The following TRIM40 variants were observed in gnomAD, a reference collection of about 807,000 sequenced individuals.
The protein encoded by TRIM40 is tripartite motif containing 40.
TRIM40 carries 27 observed loss-of-function variants against 26.1 expected under a neutral mutation model. That is an observed-to-expected ratio of 1.04 (90% CI 0.76 to 1.43). The LOEUF is 1.43. Among genes scored for constraint, TRIM40 ranks in the 40% most tolerant of loss-of-function variants. TRIM40 has a pLI of 0.00. For synonymous variants in TRIM40, 114 were observed against 120.0 expected, an observed-to-expected ratio of 0.95 and a Z score of 0.33; for missense variants, 289 against 307.9, an observed-to-expected ratio of 0.94 and a Z score of 0.46.
intron 3 of TRIM40, 129 bp downstream of exon 3, chr6:30,146,218 C>T (rs1446120143): frequency 7.9e-6 from 6 of 761,224 alleles, no homozygotes; most frequent in African/African-American, 1.8e-5. Context: ...GCTGAAAACC[C>T]GGGTGTTGGC....
Position 30,137,326 on chromosome 6 carries a change from C to T in TRIM40, c.290C>T (p.Pro97Leu), listed in dbSNP as rs146858612. ...LLLCVECLVS[P>L]EHMSHHELTI... ...CTATGTGTGGAATGCCTGGTGTCCCCTGAACACATGTCTCATCATGAACTG... is the reference window on the plus strand; with the variant it reads ...CTATGTGTGGAATGCCTGGTGTCCCTTGAACACATGTCTCATCATGAACTG... The change falls in exon 2 of 6, where the codon CCT becomes CTT. Residue 97 changes from proline to leucine, a missense_variant. Coordinates refer to ENST00000396581, the MANE Select transcript of TRIM40 (RefSeq NM_001286633.2). The T allele has an allele frequency of 1.5e-5, 25 of 1,612,940 alleles. No individual in the cohort carries two copies. The African/African-American group carries it at 2.5e-4, about 16-fold the overall frequency.
intron 2 of TRIM40, among the ~76,000 whole-genome samples, chr6:30,141,871 A>C (rs1346337110): frequency 6.6e-6 from 1 of 152,176 alleles, no homozygotes; most frequent in Non-Finnish European, 1.5e-5. Flanking sequence ...GGCAGACAGT[A>C]TGTAGCACCA....
chr6:30,146,926 T>C, intron 3 of TRIM40, 59 bp from the exon 4 acceptor site: 1 of 1,500,200 alleles, frequency 6.7e-7, no homozygotes, highest in Non-Finnish European at 9.1e-7. Context: ...ATTCAGAGAC[T>C]GTGAAGGGCC....
chr6:30,148,056 G>A lies in TRIM40; in HGVS notation c.*244G>A. ...TGGGGCTGCCACTGTGGAGGTCGGG[G>A]CCCATGGTCTCCAGGAGCATTTGTG... On this transcript the variant is annotated 3_prime_UTR_variant, in exon 6 of 6. Coordinates refer to ENST00000396581, the MANE Select transcript of TRIM40 (RefSeq NM_001286633.2). 3.5e-6 allele frequency: 2 copies of A among 578,540 alleles called. No homozygotes were observed. The highest frequency in any genetic ancestry group is 6.1e-6 in the Non-Finnish European group (2 of 325,258). 35.8% of individuals were successfully genotyped at this position (578,540 alleles called of 1,614,324 possible).
chr6:30,147,237 G>A, intron 4 of TRIM40, 28 bp downstream of exon 4: 1 of 1,612,338 alleles, frequency 6.2e-7, no homozygotes, highest in Non-Finnish European at 8.5e-7. Context: ...TTCCCCAAGG[G>A]CTGGGATTCT....
chr6:30,147,465 G>A, intron 4 of TRIM40, 55 bp from the exon 5 acceptor site: 1 of 1,613,152 alleles, frequency 6.2e-7, no homozygotes, highest in Non-Finnish European at 8.5e-7. Flanking sequence ...AAAGGAATTT[G>A]GAGGTGATAG....
At chr6:30,138,270 T>C (rs369240185) in intron 2 of TRIM40, among the ~76,000 whole-genome samples, 30 of 152,222 alleles carry the variant, frequency 2.0e-4, no homozygotes, top group African/African-American at 6.8e-4. Flanking sequence ...CAAGCTATTG[T>C]TTTGTTTTAA....
In TRIM40 at chr6:30,136,949, C is replaced by A; in HGVS notation, c.-88C>A. The A allele has an allele frequency of 1.5e-6, 2 of 1,367,108 alleles. No individual in the cohort carries two copies. Among genetic ancestry groups the A allele is most frequent in the Non-Finnish European group, 2.0e-6 (2 of 999,870 alleles). 84.7% of individuals were successfully genotyped at this position (1,367,108 alleles called of 1,614,324 possible). A position where few individuals can be genotyped will look rare whatever the true frequency, so the allele number is the denominator to read the frequency against. On this transcript the variant is annotated 5_prime_UTR_variant, in exon 2 of 6. The change creates a new upstream start codon in the 5' untranslated region. Transcript: ENST00000396581. The stretch of plus-strand genomic sequence containing the variant: ...CCTCCTTCCGACTGGGCCTTCTTAT[C>A]TGGGACTGTTGAGGGCAACAGGCCT...
chr6:30,143,928 A>C (rs922844547), intron 2 of TRIM40, among the ~76,000 whole-genome samples: 12 of 152,036 alleles, frequency 7.9e-5, no homozygotes, highest in African/African-American at 2.9e-4. Context: ...GGCTTTATTA[A>C]ATTTTAAACT....
At chr6:30,144,747 G>A (rs920753174) in intron 2 of TRIM40, among the ~76,000 whole-genome samples, 1 of 152,140 alleles carries the variant, frequency 6.6e-6, no homozygotes, top group Admixed American at 6.5e-5. Context: ...CAGTGAGGAG[G>A]TGAAGACAGC....
At chr6:30,137,876 C>A (rs998198452) in intron 2 of TRIM40, among the ~76,000 whole-genome samples, 1 of 151,946 alleles carries the variant, frequency 6.6e-6, no homozygotes, top group South Asian at 2.1e-4. Context: ...ATTATTTTAT[C>A]TTATTCTGTT....
Position 30,148,400 on chromosome 6 carries a change from G to A in TRIM40, c.*588G>A, listed in dbSNP as rs1277806606. 1 of 159,078 alleles carries A rather than the reference G, an allele frequency of 6.3e-6. No individual in the cohort carries two copies. Among genetic ancestry groups the A allele is most frequent in the African/African-American group, 2.4e-5 (1 of 41,534 alleles). The allele number at this position is 159,078 out of a possible 1,614,324, so 9.9% of individuals were successfully genotyped here. On this transcript the variant is annotated 3_prime_UTR_variant, in exon 6 of 6. Coordinates refer to ENST00000396581, the MANE Select transcript of TRIM40 (RefSeq NM_001286633.2). ...CTTCTAATGAATGGAATAAGGCAAA[G>A]GTGATAGGGTGTCACTCTGGCAACT...
chr6:30,142,307 T>C (rs562483437), intron 2 of TRIM40, among the ~76,000 whole-genome samples: 7 of 152,344 alleles, frequency 4.6e-5, no homozygotes, highest in African/African-American at 9.6e-5. Context: ...ATCACTTTAA[T>C]GTATTTTGCT....
chr6:30,137,130 C>A lies in TRIM40; in HGVS notation c.94C>A (p.Leu32Ile). Residue 32 changes from leucine to isoleucine, a missense_variant, in exon 2 of 6, where the codon CTC (leucine) becomes ATC (isoleucine). Physicochemically the swap from Leu to Ile is conservative, Grantham distance 5. Transcript: ENST00000396581. Reference sequence around the variant, plus strand: ...GGCCGTGAGCACCAACTGCGGACATCTCTTCTGTCGAGTGTGCCTGACACA... The same window carrying A: ...GGCCGTGAGCACCAACTGCGGACATATCTTCTGTCGAGTGTGCCTGACACA... The part of the protein sequence containing the change: ...KEAVSTNCGH[L>I]FCRVCLTQHV... 4 of 1,613,088 alleles carry A rather than the reference C, an allele frequency of 2.5e-6. No individual in the cohort carries two copies. The highest frequency in any genetic ancestry group is 3.4e-6 in the Non-Finnish European group (4 of 1,180,030).
intron 4 of TRIM40, 137 bp downstream of exon 4, chr6:30,147,346 C>G: frequency 1.5e-6 from 2 of 1,353,410 alleles, no homozygotes; most frequent in Non-Finnish European, 2.1e-6. Flanking sequence ...GTGGCTTGTT[C>G]CAGGCTACAG....
rs777147018 is a variant in TRIM40, at chr6:30,147,807, C to T, written c.772C>T (p.Leu258Phe). 24 of 1,614,098 alleles carry T rather than the reference C, an allele frequency of 1.5e-5. No homozygotes were observed. The highest frequency in any genetic ancestry group is 1.8e-5 in the Non-Finnish European group (21 of 1,179,926). Residue 258 changes from leucine (L) to phenylalanine (F), a missense_variant, in exon 6 of 6, where the codon CTC becomes TTC. Coordinates refer to ENST00000396581, the MANE Select transcript of TRIM40 (RefSeq NM_001286633.2). ...ATTGCTTCTTCAGCCCCCTCAGAAGCTCTGACCTGTTCATCCCTGGGACAC... is the reference window on the plus strand; with the variant it reads ...ATTGCTTCTTCAGCCCCCTCAGAAGTTCTGACCTGTTCATCCCTGGGACAC... ...SELLLQPPQK[L>F]
chr6:30,140,938 T>C (rs1213525818), intron 2 of TRIM40, among the ~76,000 whole-genome samples: 1 of 151,618 alleles, frequency 6.6e-6, no homozygotes, highest in Admixed American at 6.6e-5. Flanking sequence ...ATCTCCAGAG[T>C]CTTATTCCTA....
chr6:30,144,894 T>A (rs992154451), intron 2 of TRIM40, among the ~76,000 whole-genome samples: 2 of 152,196 alleles, frequency 1.3e-5, no homozygotes, highest in Non-Finnish European at 2.9e-5. Context: ...TCAGCGAGAC[T>A]CATGAGCGAC....
chr6:30,139,339 C>CTTTTTTT (rs9278591), intron 2 of TRIM40, among the ~76,000 whole-genome samples: 15 of 77,866 alleles, frequency 1.9e-4, no homozygotes, highest in East Asian at 4.9e-4. Context: ...ACTTTTTTTT[C>CTTTTTTT]TTTTTTTTTT....
Sources: gnomAD v4.1 joint callset for allele counts (sites outside exome capture counted in the v4.1 genomes callset) on GRCh38, gnomAD v4.1.1 for gene constraint, MANE v1.5 for transcripts, NCBI Gene and HGNC (gene_info 2026-07-23, HGNC 2026-07-21) for gene names.